The following CHLSN variants were observed in gnomAD, a reference collection of about 807,000 sequenced individuals.
The protein encoded by CHLSN is protein cholesin.
At chr7:998,995 T>C in the CHLSN span, among the ~76,000 whole-genome samples, 1 of 152,248 alleles carries the variant, frequency 6.6e-6, no homozygotes, top group East Asian at 1.9e-4. Flanking sequence ...TATGTACGGT[T>C]ACATATGAAA....
the CHLSN span, among the ~76,000 whole-genome samples, chr7:1,072,253 C>T: frequency 2.0e-5 from 3 of 152,224 alleles, no homozygotes; most frequent in African/African-American, 7.2e-5. Flanking sequence ...TGCTGCCCTT[C>T]TTCTCTCGCC....
the CHLSN span, among the ~76,000 whole-genome samples, chr7:980,097 T>C: frequency 6.6e-6 from 1 of 152,284 alleles, no homozygotes; most frequent in African/African-American, 2.4e-5. Flanking sequence ...AAAGACAGTG[T>C]GGTTGGGAGA....
At chr7:1,012,788 C>T in the CHLSN span, among the ~76,000 whole-genome samples, 1 of 151,892 alleles carries the variant, frequency 6.6e-6, no homozygotes, top group African/African-American at 2.4e-5. Flanking sequence ...GTGCCCGGCT[C>T]CACTCTGCGC....
the CHLSN span, among the ~76,000 whole-genome samples, chr7:1,008,353 GGA>G: frequency 2.0e-5 from 3 of 152,234 alleles, no homozygotes; most frequent in Admixed American, 6.5e-5. Flanking sequence ...CAGAGAAGCA[GGA>G]GCAAGCGCAG....
chr7:1,010,639 TG>T, the CHLSN span, among the ~76,000 whole-genome samples: 1 of 152,016 alleles, frequency 6.6e-6, no homozygotes, highest in Non-Finnish European at 1.5e-5. Flanking sequence ...GGCTGCAGGC[TG>T]GGGACAGGGA....
chr7:1,114,849 G>A, the CHLSN span, among the ~76,000 whole-genome samples: 1 of 152,242 alleles, frequency 6.6e-6, no homozygotes, highest in Admixed American at 6.5e-5. Flanking sequence ...GGAGGGGCTC[G>A]CAGGAGAGCT....
At chr7:1,028,124 G>C in the CHLSN span, 1 of 522,342 alleles carries the variant, frequency 1.9e-6, no homozygotes, top group Non-Finnish European at 2.4e-6. Flanking sequence ...GGGCGGAGCG[G>C]GGCCCGCAGC....
At chr7:1,102,705 G>A in the CHLSN span, among the ~76,000 whole-genome samples, 1 of 152,170 alleles carries the variant, frequency 6.6e-6, no homozygotes, top group African/African-American at 2.4e-5. Flanking sequence ...GTGATCCTGC[G>A]CCCCTTTCCG....
chr7:1,062,041 G>C, the CHLSN span, among the ~76,000 whole-genome samples: 1 of 152,238 alleles, frequency 6.6e-6, no homozygotes, highest in Non-Finnish European at 1.5e-5. Context: ...TGAGACACCA[G>C]GATGCGAGTT....
the CHLSN span, among the ~76,000 whole-genome samples, chr7:1,023,243 G>A: frequency 6.6e-5 from 10 of 152,328 alleles, no homozygotes; most frequent in East Asian, 1.9e-4. This position sits in a 1 kb window ranked among gnomAD's most constrained non-coding sequence, Gnocchi z 5.0. Flanking sequence ...GCCGCGACAC[G>A]GGCTGAGCGC....
the CHLSN span, chr7:1,087,150 G>A: frequency 6.6e-6 from 1 of 152,258 alleles, no homozygotes; most frequent in Non-Finnish European, 1.5e-5. Context: ...GGGGAGGGAG[G>A]TTTATTCTCC....
the CHLSN span, chr7:988,325 C>T: frequency 6.2e-7 from 1 of 1,611,622 alleles, no homozygotes; most frequent in Admixed American, 1.7e-5. Context: ...GGATGAGACA[C>T]AGTGGCAGAC....
the CHLSN span, among the ~76,000 whole-genome samples, chr7:1,105,980 C>A: frequency 6.6e-6 from 1 of 151,656 alleles, no homozygotes; most frequent in Non-Finnish European, 1.5e-5. Context: ...GAGGAGCACA[C>A]GGAGGGGAGA....
At chr7:1,107,300 A>G in the CHLSN span, among the ~76,000 whole-genome samples, 1 of 152,092 alleles carries the variant, frequency 6.6e-6, no homozygotes, top group Non-Finnish European at 1.5e-5. Flanking sequence ...GCGCTCACAG[A>G]CACCCAGCTA....
At chr7:1,014,571 CA>C in the CHLSN span, among the ~76,000 whole-genome samples, 1 of 152,216 alleles carries the variant, frequency 6.6e-6, no homozygotes, top group African/African-American at 2.4e-5. Context: ...AAAGAACTGG[CA>C]AAAATAAAAA....
At chr7:989,676 G>C in the CHLSN span, 5,952 of 156,264 alleles carry the variant, frequency 0.038, 160 homozygotes, top group Non-Finnish European at 0.058. Context: ...AGCTACTCAG[G>C]AGGCTGAGAC....
the CHLSN span, among the ~76,000 whole-genome samples, chr7:1,053,638 G>T: frequency 6.6e-6 from 1 of 152,184 alleles, no homozygotes; most frequent in South Asian, 2.1e-4. Flanking sequence ...GATCAGCCTG[G>T]CCAACATGGA....
At chr7:1,082,469 T>A in the CHLSN span, among the ~76,000 whole-genome samples, 1 of 152,148 alleles carries the variant, frequency 6.6e-6, no homozygotes, top group Non-Finnish European at 1.5e-5. Context: ...GGATGATCCA[T>A]CCCCACTTAA....
At chr7:1,041,149 C>A in the CHLSN span, among the ~76,000 whole-genome samples, 1 of 152,352 alleles carries the variant, frequency 6.6e-6, no homozygotes, top group South Asian at 2.1e-4. Flanking sequence ...GGGAGGGAGG[C>A]CCCTGCACGG....
Sources: allele counts gnomAD v4.1 joint callset (sites outside exome capture counted in the v4.1 genomes callset), GRCh38; gene constraint gnomAD v4.1.1; non-coding constraint Gnocchi (gnomAD v3.1); transcripts MANE v1.5; gene names NCBI Gene and HGNC (gene_info 2026-07-23, HGNC 2026-07-21).